ARHGAP15: variants seen among roughly 807,000 people sequenced by gnomAD.
The protein encoded by ARHGAP15 is rho GTPase-activating protein 15.
In ARHGAP15, 51 loss-of-function variants were observed where a neutral mutation model predicts 63.7. The observed-to-expected ratio is 0.80, with a 90% confidence interval of 0.64 to 1.01. The LOEUF is 1.01. Ranked by LOEUF, ARHGAP15 falls within the 50% of genes least tolerant of loss-of-function variation. The pLI is 0.00. For synonymous variants in ARHGAP15, 191 were observed against 193.8 expected (o/e 0.99, Z 0.12); for missense variants, 560 against 564.6 (o/e 0.99, Z 0.08).
intron 5 of ARHGAP15, among the ~76,000 whole-genome samples, chr2:143,232,494 T>G (rs774672874): frequency 3.5e-4 from 53 of 152,206 alleles, no homozygotes; most frequent in Non-Finnish European, 5.6e-4. Context: ...TAATGTATTT[T>G]TATTTATAAC....
chr2:143,701,724 T>C (rs1223590685), intron 12 of ARHGAP15, among the ~76,000 whole-genome samples: 1 of 152,166 alleles, frequency 6.6e-6, no homozygotes, highest in African/African-American at 2.4e-5. Context: ...AGCAAGATCC[T>C]GTCTCAAAAA....
intron 3 of ARHGAP15, among the ~76,000 whole-genome samples, chr2:143,205,136 A>T (rs909580016): frequency 6.6e-6 from 1 of 151,748 alleles, no homozygotes; most frequent in Non-Finnish European, 1.5e-5. Flanking sequence ...AAAATTACAA[A>T]ATTAGCCACG....
intron 11 of ARHGAP15, among the ~76,000 whole-genome samples, chr2:143,580,111 T>C (rs1287959686): frequency 2.0e-5 from 3 of 151,720 alleles, no homozygotes; most frequent in Non-Finnish European, 4.4e-5. Flanking sequence ...GCTTATGGCA[T>C]ACTCTAAAAT....
chr2:143,191,255 A>G (rs1431587617), intron 2 of ARHGAP15, among the ~76,000 whole-genome samples: 1 of 152,214 alleles, frequency 6.6e-6, no homozygotes, highest in Non-Finnish European at 1.5e-5. Context: ...TGAAAATTCT[A>G]TCTTATTTCA....
chr2:143,293,985 TG>T (rs1682521487), intron 6 of ARHGAP15, among the ~76,000 whole-genome samples: 1 of 152,086 alleles, frequency 6.6e-6, no homozygotes, highest in Non-Finnish European at 1.5e-5. Flanking sequence ...GTTCTGGAAA[TG>T]TAACTCAATG....
intron 12 of ARHGAP15, among the ~76,000 whole-genome samples, chr2:143,664,805 C>T (rs555276530): frequency 1.3e-5 from 2 of 151,934 alleles, no homozygotes; most frequent in African/African-American, 4.8e-5. Context: ...TCAAATAAAC[C>T]AGAAAATCTA....
intron 2 of ARHGAP15, among the ~76,000 whole-genome samples, chr2:143,179,488 T>C (rs11898384): frequency 0.012 from 1,798 of 152,254 alleles, 31 homozygotes; most frequent in African/African-American, 0.041. Flanking sequence ...AATAAACAAA[T>C]ATTGCAATAA....
At chr2:143,538,678 AC>A (rs1694894800) in intron 10 of ARHGAP15, among the ~76,000 whole-genome samples, 3 of 152,326 alleles carry the variant, frequency 2.0e-5, no homozygotes, top group Non-Finnish European at 4.4e-5. Context: ...ATGCTGGATT[AC>A]GTTTATTGAT....
At chr2:143,524,594 C>A (rs1249653593) in intron 10 of ARHGAP15, among the ~76,000 whole-genome samples, 2 of 152,074 alleles carry the variant, frequency 1.3e-5, no homozygotes, top group Admixed American at 6.6e-5. Flanking sequence ...TATTATTATA[C>A]CTTAACTGTT....
intron 11 of ARHGAP15, among the ~76,000 whole-genome samples, chr2:143,620,031 A>G (rs889577821): frequency 1.3e-5 from 2 of 152,158 alleles, no homozygotes; most frequent in African/African-American, 2.4e-5. Context: ...CTGGCTTACA[A>G]TGTTTGTTCA....
chr2:143,681,188 T>C (rs1158031847), intron 12 of ARHGAP15, among the ~76,000 whole-genome samples: 2 of 152,204 alleles, frequency 1.3e-5, no homozygotes, highest in Non-Finnish European at 2.9e-5. Flanking sequence ...TGTGTGTGAC[T>C]CTAGGGGGAA....
intron 6 of ARHGAP15, among the ~76,000 whole-genome samples, chr2:143,294,838 G>T (rs900084698): frequency 2.0e-5 from 3 of 151,956 alleles, no homozygotes; most frequent in African/African-American, 7.2e-5. Flanking sequence ...GACTCTTTCT[G>T]CAAACAGGTG....
chr2:143,667,572 T>A (rs1167743310), intron 12 of ARHGAP15, among the ~76,000 whole-genome samples: 8 of 88,950 alleles, frequency 9.0e-5, no homozygotes, highest in African/African-American at 3.5e-4. Context: ...AAGTATAATT[T>A]AAAAAAAATT....
intron 13 of ARHGAP15, among the ~76,000 whole-genome samples, chr2:143,711,328 TAGG>T (rs1275569565): frequency 6.6e-6 from 1 of 152,180 alleles, no homozygotes; most frequent in Non-Finnish European, 1.5e-5. Context: ...TCTAAAATGC[TAGG>T]AGAATTCTAG....
chr2:143,491,606 TATG>T (rs1298378681), intron 9 of ARHGAP15, among the ~76,000 whole-genome samples: 2 of 152,216 alleles, frequency 1.3e-5, no homozygotes, highest in Non-Finnish European at 2.9e-5. Context: ...CTCAGGGATT[TATG>T]ATAAGGAGAA....
chr2:143,360,533 A>G (rs79979614), intron 6 of ARHGAP15, among the ~76,000 whole-genome samples: 2,939 of 152,250 alleles, frequency 0.019, 56 homozygotes, highest in South Asian at 0.099. Context: ...AATATTAGAT[A>G]TATTTCCTCT....
intron 6 of ARHGAP15, among the ~76,000 whole-genome samples, chr2:143,294,683 C>G (rs1682560500): frequency 6.6e-6 from 1 of 152,020 alleles, no homozygotes; most frequent in South Asian, 2.1e-4. Context: ...CTTTGGGGGA[C>G]AGCCACTTTC....
chr2:143,506,225 A>G (rs193149675), intron 9 of ARHGAP15, among the ~76,000 whole-genome samples: 1 of 152,128 alleles, frequency 6.6e-6, no homozygotes, highest in Admixed American at 6.5e-5. Flanking sequence ...GAATCTTTCA[A>G]CTCTTCTCAA....
chr2:143,515,187 A>AC (rs200111130), intron 9 of ARHGAP15, among the ~76,000 whole-genome samples: 55 of 93,076 alleles, frequency 5.9e-4, no homozygotes, highest in East Asian at 1.6e-3. Context: ...CACTATATTA[A>AC]CCCCCCCACC....
Sources: allele counts gnomAD v4.1 joint callset (sites outside exome capture counted in the v4.1 genomes callset), GRCh38; gene constraint gnomAD v4.1.1; transcripts MANE v1.5; gene names NCBI Gene and HGNC (gene_info 2026-07-23, HGNC 2026-07-21).